Variants in MEGF8 observed in about 807,000 individuals in gnomAD.
MEGF8 encodes the protein multiple EGF like domains 8.
In MEGF8, 156 loss-of-function variants were observed where a neutral mutation model predicts 302.9. The observed-to-expected ratio is 0.52, with a 90% CI of 0.45 to 0.59. The LOEUF (loss-of-function observed/expected upper bound fraction) is 0.59. Ranked by LOEUF, MEGF8 falls within the 20% of genes least tolerant of loss-of-function variation. MEGF8 has a pLI of 0.00. For synonymous variants in MEGF8, 1,621 were observed against 1,660.5 expected (o/e 0.98, Z 0.58); for missense variants, 3,345 against 3,964.5 (o/e 0.84, Z 4.20).
At chr19:42,331,315 C>T (rs1478573001) in intron 1 of MEGF8, among the ~76,000 whole-genome samples, 3 of 152,176 alleles carry the variant, frequency 2.0e-5, no homozygotes, top group African/African-American at 7.2e-5. Context: ...CAGATAGGCA[C>T]ACTGAGGGTC....
At position 42,333,991 on chromosome 19, in the gene MEGF8, C is replaced by T. The variant is rs768245209; in HGVS notation, c.352-16C>T. On this transcript the variant is annotated splice_polypyrimidine_tract_variant and intron_variant, in intron 2 of 41. Transcript: ENST00000251268. ...CAGGCCCTGCCCACCTTACCCAGCA[C>T]ACCTTGTGCCCGCAGATGCTGCTGC... 76 of 1,609,948 alleles carry T rather than the reference C, an allele frequency of 4.7e-5. No individual in the cohort carries two copies. Among genetic ancestry groups the T allele is most frequent in the Non-Finnish European group, 1.6e-5 (19 of 1,178,134 alleles).
At chr19:42,333,463 C>G (rs1218731580) in intron 1 of MEGF8, 142 bp from the exon 2 acceptor site, 7 of 907,436 alleles carry the variant, frequency 7.7e-6, no homozygotes, top group Non-Finnish European at 1.1e-5. Context: ...GGGGCCCCTT[C>G]AAGGCGGGGC....
rs1454620464 is a variant in MEGF8 at position 42,336,788 on chromosome 19, C to G, written c.1245-19C>G. 7 of 1,565,974 alleles carry G rather than the reference C, an allele frequency of 4.5e-6. No individual in the cohort carries two copies. Among genetic ancestry groups the G allele is most frequent in the Non-Finnish European group, 5.2e-6 (6 of 1,156,976 alleles). ...GACGCTTCCTGCCCTGAGCCCCTGC[C>G]CTGCTTCTCCTTCGGTAGGTTCTCT... is the stretch of plus-strand genomic sequence containing the variant. On this transcript the variant is annotated intron_variant, in intron 6 of 41. Transcript: ENST00000251268. The surrounding 1 kb of genome is among the most constrained non-coding windows in gnomAD (Gnocchi z 4.8).
chr19:42,371,045 A>G (rs564228650), intron 40 of MEGF8, among the ~76,000 whole-genome samples: 1 of 151,690 alleles, frequency 6.6e-6, no homozygotes, highest in African/African-American at 2.4e-5. Context: ...GCTAGTGCTG[A>G]AGTGCAGTCC....
rs191539018 is a variant in MEGF8, at chr19:42,363,359, C to T, written c.6273+97C>T. 1.9e-4 allele frequency: 188 copies of T among 1,009,418 alleles called. No individual in the cohort carries two copies. The African/African-American group carries it at 2.7e-3, about 14-fold the overall frequency. 62.5% of individuals were successfully genotyped at this position (1,009,418 alleles called of 1,614,324 possible). On this transcript the variant is annotated intron_variant, in intron 35 of 41. Transcript: ENST00000251268. ...ACCTTTCTTCCACCATCTCCTCCAC[C>T]CTCCTCCTTCCATCTCCCTGGCTCT...
chr19:42,361,239 A>G (rs1482771626), intron 32 of MEGF8, among the ~76,000 whole-genome samples: 2 of 152,128 alleles, frequency 1.3e-5, no homozygotes, highest in African/African-American at 4.8e-5. Context: ...CCTTAAAAGA[A>G]CGGTAGAGTT....
In MEGF8 at chr19:42,330,597, T is replaced by C. The variant is rs533932951; in HGVS notation, c.188-3008T>C. Reference sequence around the variant, plus strand: ...GCTTCCAGCTTTAGTATTCTGTCTTTTATGTATTTCTTCATTTCATCATCC... The same window carrying C: ...GCTTCCAGCTTTAGTATTCTGTCTTCTATGTATTTCTTCATTTCATCATCC... On this transcript the variant is annotated intron_variant, in intron 1 of 41. Transcript: ENST00000251268. Among the ~76,000 whole-genome samples, 32 of 152,272 alleles carry C rather than the reference T, an allele frequency of 2.1e-4. No individual in the cohort carries two copies. In the South Asian group the frequency reaches 6.6e-3, roughly 32 times the overall value.
At chr19:42,364,825 CT>C (rs2039581377) in intron 35 of MEGF8, among the ~76,000 whole-genome samples, 1 of 152,204 alleles carries the variant, frequency 6.6e-6, no homozygotes, top group Admixed American at 6.5e-5. Flanking sequence ...TCACTAGATC[CT>C]GTCCCCTAGG....
At position 42,352,412 on chromosome 19, in the gene MEGF8, C is replaced by T; in HGVS notation, c.3306C>T (p.Cys1102=). The change falls in exon 19 of 42, where the codon TGC becomes TGT. Residue 1102 remains cysteine, a synonymous_variant. Transcript: ENST00000251268. The surrounding 1 kb of genome is among the most constrained non-coding windows in gnomAD (Gnocchi z 4.4). ...LNTPLSYECH[C]QRGYQGDGIS... is the part of the protein sequence containing the mutation. ...CGCCCCTCAGCTACGAGTGTCACTGCCAGCGGGGCTACCAGGGTGATGGCA... is the reference window on the plus strand; with the variant it reads ...CGCCCCTCAGCTACGAGTGTCACTGTCAGCGGGGCTACCAGGGTGATGGCA... 1 of 1,599,082 alleles carries T rather than the reference C, an allele frequency of 6.3e-7. No homozygotes were observed. The highest frequency in any genetic ancestry group is 1.7e-5 in the Admixed American group (1 of 57,864).
chr19:42,373,719 T>G (rs923684406), intron 41 of MEGF8, among the ~76,000 whole-genome samples: 6 of 146,122 alleles, frequency 4.1e-5, no homozygotes, highest in Non-Finnish European at 7.5e-5. Flanking sequence ...TTTTTTTTTT[T>G]TTTTTTTTTT....
Position 42,351,788 on chromosome 19 carries a change from G to A in MEGF8, c.3101+27G>A, listed in dbSNP as rs769060789. The A allele has an allele frequency of 6.5e-7, 1 of 1,541,622 alleles. No individual in the cohort carries two copies. The highest frequency in any genetic ancestry group is 8.8e-7 in the Non-Finnish European group (1 of 1,137,530). On this transcript the variant is annotated intron_variant, in intron 18 of 41. Coordinates refer to ENST00000251268, the MANE Select transcript of MEGF8 (RefSeq NM_001271938.2). The surrounding 1 kb of genome is among the most constrained non-coding windows in gnomAD (Gnocchi z 5.6). Reference sequence around the variant, plus strand: ...TGAGCCCGGGCAGGTGGGTGGGCAGGGTGCCCGGCTGTGTCCTTCCTCCAT... The same window carrying A: ...TGAGCCCGGGCAGGTGGGTGGGCAGAGTGCCCGGCTGTGTCCTTCCTCCAT...
At chr19:42,340,190 C>G (rs998927292) in intron 8 of MEGF8, among the ~76,000 whole-genome samples, 18 of 152,122 alleles carry the variant, frequency 1.2e-4, no homozygotes, top group Non-Finnish European at 2.6e-4. Context: ...AAGAATGATG[C>G]CCAGTGAAGT....
At chr19:42,327,965 C>T (rs1007912566) in intron 1 of MEGF8, among the ~76,000 whole-genome samples, 6 of 152,160 alleles carry the variant, frequency 3.9e-5, no homozygotes, top group African/African-American at 7.2e-5. Context: ...TGTGATGGCG[C>T]GCGCCTGTAG....
rs1283902103 is a variant in MEGF8, at chr19:42,375,269, T to G, written c.7270-238T>G. ...AGTGCCAGAGGCCTCAGTATCAGGG[T>G]GCTCAGGTCACTAGGGTGGCACCAG... is the stretch of plus-strand genomic sequence containing the variant. On this transcript the variant is annotated intron_variant, in intron 41 of 41. Transcript: ENST00000251268. The surrounding 1 kb of genome is among the most constrained non-coding windows in gnomAD (Gnocchi z 7.1). 6.6e-6 allele frequency among the ~76,000 whole-genome samples: 1 copy of G among 152,060 alleles called. No homozygotes were observed. The highest frequency in any genetic ancestry group is 1.5e-5 in the Non-Finnish European group (1 of 68,008).
chr19:42,335,465 C>T (rs2039114582), intron 5 of MEGF8, 80 bp downstream of exon 5: 1 of 1,278,864 alleles, frequency 7.8e-7, no homozygotes, highest in African/African-American at 1.5e-5. Context: ...GATCCCCTAT[C>T]ACCTAGTGCT....
intron 35 of MEGF8, among the ~76,000 whole-genome samples, chr19:42,366,827 C>T (rs1442161546): frequency 6.6e-6 from 1 of 152,168 alleles, no homozygotes; most frequent in African/African-American, 2.4e-5. Context: ...TTCTCTACCC[C>T]TCCCAGATTG....
chr19:42,327,793 G>A (rs2039004306), intron 1 of MEGF8, among the ~76,000 whole-genome samples: 1 of 152,182 alleles, frequency 6.6e-6, no homozygotes, highest in Non-Finnish European at 1.5e-5. Context: ...GAAATCCAGT[G>A]TGTTAAAACA....
At position 42,377,034 on chromosome 19, in the gene MEGF8, G is replaced by A; in HGVS notation, c.*259G>A. The A allele has an allele frequency of 2.3e-6, 1 of 428,886 alleles. No individual in the cohort carries two copies. The highest frequency in any genetic ancestry group is 8.2e-5 in the South Asian group (1 of 12,194). 26.6% of individuals were successfully genotyped at this position (428,886 alleles called of 1,614,324 possible). A position where few individuals can be genotyped will look rare whatever the true frequency, so the allele number is the denominator to read the frequency against. On this transcript the variant is annotated 3_prime_UTR_variant, in exon 42 of 42. Transcript: ENST00000251268. ...GGTTCCCTGATCTCATGGGACTTAG[G>A]TTCTGGTGAAGGGAGACAATCAGTG...
intron 23 of MEGF8, among the ~76,000 whole-genome samples, 178 bp from the exon 24 acceptor site, chr19:42,355,580 G>A (rs1358999476): frequency 6.6e-6 from 1 of 152,146 alleles, no homozygotes; most frequent in Non-Finnish European, 1.5e-5. Flanking sequence ...TAGGCTTGAA[G>A]ATCAATCTTG....
Sources: gnomAD v4.1 joint callset for allele counts (sites outside exome capture counted in the v4.1 genomes callset) on GRCh38, gnomAD v4.1.1 for gene constraint, Gnocchi (gnomAD v3.1) non-coding constraint, MANE v1.5 for transcripts, NCBI Gene and HGNC (gene_info 2026-07-23, HGNC 2026-07-21) for gene names.